The following NWD2 variants were observed in gnomAD, a reference collection of about 807,000 sequenced individuals.
NWD2 encodes NACHT and WD repeat domain-containing protein 2.
In NWD2, 37 loss-of-function variants were observed where a neutral mutation model predicts 132.7. The observed-to-expected ratio is 0.28, with a 90% CI of 0.21 to 0.37. The LOEUF (loss-of-function observed/expected upper bound fraction) is 0.37. Among genes scored for constraint, NWD2 ranks in the 10% least tolerant of loss-of-function variants. The pLI is 1.00. For missense variants in NWD2, 1,592 were observed against 2,122.4 expected, an observed-to-expected ratio of 0.75 and a Z score of 4.91; for synonymous variants, 705 against 803.0, an observed-to-expected ratio of 0.88 and a Z score of 2.06.
At chr4:37,268,389 A>T (rs1717800776) in intron 1 of NWD2, among the ~76,000 whole-genome samples, 1 of 151,932 alleles carries the variant, frequency 6.6e-6, no homozygotes, top group South Asian at 2.1e-4. Flanking sequence ...ATTAACCTTT[A>T]ATCATAGATC....
chr4:37,385,338 C>A (rs189923614), intron 3 of NWD2, among the ~76,000 whole-genome samples: 122 of 152,258 alleles, frequency 8.0e-4, no homozygotes, highest in Admixed American at 2.4e-3. Flanking sequence ...CTTAAAAAAT[C>A]ATCTTTTCTG....
rs1712406914 is a variant in NWD2 at position 37,439,066 on chromosome 4, T to C, written c.972T>C (p.Cys324=). Residue 324 remains cysteine, a synonymous_variant, in exon 6 of 7, where the codon TGT becomes TGC. Transcript: ENST00000309447. This position sits in a 1 kb window ranked among gnomAD's most constrained non-coding sequence, Gnocchi z 4.5. ...GAGTGTACACATCTGTTACTCATTG[T>C]GACATGAAACTAGGCTACTCCCAAG... ...NLRVYTSVTH[C]DMKLGYSQEI... 1.3e-6 allele frequency: 2 copies of C among 1,551,726 alleles called. No individual in the cohort carries two copies. Among genetic ancestry groups the C allele is most frequent in the Admixed American group, 2.0e-5 (1 of 50,988 alleles).
intron 2 of NWD2, among the ~76,000 whole-genome samples, chr4:37,347,560 T>C (rs1046728685): frequency 6.6e-6 from 1 of 152,158 alleles, no homozygotes; most frequent in Admixed American, 6.5e-5. Flanking sequence ...ATCTGATCTG[T>C]TTACAATTTA....
intron 3 of NWD2, among the ~76,000 whole-genome samples, chr4:37,405,326 G>A (rs892173099): frequency 1.2e-4 from 18 of 152,078 alleles, no homozygotes; most frequent in African/African-American, 4.3e-4. Context: ...TTCTTGGGAG[G>A]ATTATACATT....
chr4:37,445,399 A>G lies in NWD2; in HGVS notation c.3411A>G (p.Thr1137=). The G allele has an allele frequency of 6.4e-7, 1 of 1,552,142 alleles. No homozygotes were observed. The highest frequency in any genetic ancestry group is 1.4e-5 in the African/African-American group (1 of 73,186). The change falls in exon 7 of 7, where the codon ACA becomes ACG. Residue 1137 remains threonine (T), a synonymous_variant. Coordinates refer to ENST00000309447, the MANE Select transcript of NWD2 (RefSeq NM_001144990.2). This position sits in a 1 kb window ranked among gnomAD's most constrained non-coding sequence, Gnocchi z 4.7. ...GTGGAGAAAAGTTATGTACAGTGAC[A>G]TCAGAATTTTCAGGTGGATTTGTGA... ...LGSGEKLCTV[T]SEFSGGFVKF...
At chr4:37,345,329 T>TC (rs1244129936) in intron 2 of NWD2, among the ~76,000 whole-genome samples, 3 of 152,204 alleles carry the variant, frequency 2.0e-5, no homozygotes, top group African/African-American at 4.8e-5. Flanking sequence ...CATTTTGTAT[T>TC]CCCATCAGCA....
intron 3 of NWD2, among the ~76,000 whole-genome samples, chr4:37,398,527 G>T (rs1220714397): frequency 1.3e-5 from 2 of 152,128 alleles, no homozygotes; most frequent in African/African-American, 4.8e-5. Flanking sequence ...TACATGCCGG[G>T]TTCATAGGTG....
chr4:37,429,938 A>G (rs1577700335), intron 3 of NWD2, among the ~76,000 whole-genome samples: 1 of 151,244 alleles, frequency 6.6e-6, no homozygotes, highest in East Asian at 1.9e-4. Context: ...CATGCCCATC[A>G]GCACTCTATG....
At chr4:37,381,474 T>A (rs1178900251) in intron 3 of NWD2, among the ~76,000 whole-genome samples, 1 of 151,994 alleles carries the variant, frequency 6.6e-6, no homozygotes, top group Non-Finnish European at 1.5e-5. Context: ...CCACCTGGAG[T>A]GCGAGGAGAT....
chr4:37,402,565 G>A (rs943404701), intron 3 of NWD2, among the ~76,000 whole-genome samples: 2 of 152,168 alleles, frequency 1.3e-5, no homozygotes, highest in East Asian at 1.9e-4. Flanking sequence ...TTATTTAAAT[G>A]CAATGTACTT....
At chr4:37,420,269 T>C (rs1711767570) in intron 3 of NWD2, among the ~76,000 whole-genome samples, 1 of 152,222 alleles carries the variant, frequency 6.6e-6, no homozygotes, top group South Asian at 2.1e-4. Context: ...CACTTTTCCA[T>C]TCTTCCTCCC....
chr4:37,278,716 T>C (rs998267089), intron 1 of NWD2, among the ~76,000 whole-genome samples: 1 of 152,186 alleles, frequency 6.6e-6, no homozygotes. Context: ...TTTATCAGTG[T>C]GATGAACTGG....
chr4:37,310,811 G>A (rs1346801104), intron 1 of NWD2, among the ~76,000 whole-genome samples: 2 of 117,358 alleles, frequency 1.7e-5, no homozygotes, highest in African/African-American at 6.8e-5. Flanking sequence ...AGTCCCCAGA[G>A]TGTGATGTTC....
chr4:37,396,956 C>T (rs898304351), intron 3 of NWD2, among the ~76,000 whole-genome samples: 34 of 152,150 alleles, frequency 2.2e-4, no homozygotes, highest in Non-Finnish European at 1.8e-4. Context: ...TTGCTTGAAC[C>T]CAGGAGGCGG....
At chr4:37,253,447 C>G (rs908557202) in intron 1 of NWD2, among the ~76,000 whole-genome samples, 1 of 152,136 alleles carries the variant, frequency 6.6e-6, no homozygotes, top group Non-Finnish European at 1.5e-5. Context: ...CCATGCTCCC[C>G]GGAACAGGTC....
At chr4:37,416,232 A>G (rs1315424182) in intron 3 of NWD2, among the ~76,000 whole-genome samples, 1 of 152,232 alleles carries the variant, frequency 6.6e-6, no homozygotes, top group Non-Finnish European at 1.5e-5. Flanking sequence ...TAGGATCCAC[A>G]GGCGCCAAAA....
rs1560258387 is a variant in NWD2 at position 37,446,559 on chromosome 4, T to C, written c.4571T>C (p.Leu1524Ser). ...CGCGTGCAACTTCCAAACAACTTCTTGAAAAATCTGGAGGACTTTGAAATT... is the reference window on the plus strand; with the variant it reads ...CGCGTGCAACTTCCAAACAACTTCTCGAAAAATCTGGAGGACTTTGAAATT... ...CRRVQLPNNF[L>S]KNLEDFEISP... Residue 1524 changes from leucine to serine, a missense_variant, in exon 7 of 7, where the codon TTG becomes TCG. This residue lies in a region of NWD2 where 257 missense variants were observed against 335.0 expected (regional missense o/e 0.77). Coordinates refer to ENST00000309447, the MANE Select transcript of NWD2 (RefSeq NM_001144990.2). This position sits in a 1 kb window ranked among gnomAD's most constrained non-coding sequence, Gnocchi z 6.7. The C allele has an allele frequency of 7.1e-6, 11 of 1,551,656 alleles. No homozygotes were observed. Among genetic ancestry groups the C allele is most frequent in the Non-Finnish European group, 9.6e-6 (11 of 1,147,020 alleles).
chr4:37,409,345 A>G (rs11096873), intron 3 of NWD2, among the ~76,000 whole-genome samples: 83,802 of 151,338 alleles, frequency 0.55, 24,205 homozygotes, highest in East Asian at 0.75. Context: ...AACACAGCAC[A>G]AGAACTTCGT....
rs532251266 is a variant in NWD2 at position 37,364,697 on chromosome 4, C to A, written c.357+8215C>A. ...GCAGACTTCTACCTCCACTTACACA[C>A]ACACACACACACACACACACACACA... On this transcript the variant is annotated intron_variant, in intron 3 of 6. Coordinates refer to ENST00000309447, the MANE Select transcript of NWD2 (RefSeq NM_001144990.2). 2.9e-3 allele frequency among the ~76,000 whole-genome samples: 415 copies of A among 142,800 alleles called. 1 individual carries two copies. The highest frequency in any genetic ancestry group is 0.011 in the African/African-American group (394 of 35,568). 93.7% of individuals were successfully genotyped at this position (142,800 alleles called of 152,430 possible). A position where few individuals can be genotyped will look rare whatever the true frequency, so the allele number is the denominator to read the frequency against.
Sources: allele counts gnomAD v4.1 joint callset (sites outside exome capture counted in the v4.1 genomes callset), GRCh38; gene constraint gnomAD v4.1.1; regional missense constraint gnomAD v4.1.1; non-coding constraint Gnocchi (gnomAD v3.1); transcripts MANE v1.5; gene names NCBI Gene and HGNC (gene_info 2026-07-23, HGNC 2026-07-21).